LSAMP: variants seen among roughly 807,000 people sequenced by gnomAD.
The protein encoded by LSAMP is limbic system-associated membrane protein.
LSAMP carries 7 observed loss-of-function variants against 38.6 expected under a neutral mutation model. The ratio of observed to expected loss-of-function variants is 0.18; its 90% confidence interval spans 0.10 to 0.34. The LOEUF (loss-of-function observed/expected upper bound fraction) is 0.34, where lower values mean the gene tolerates loss of function less well. LSAMP is among the 10% of genes least tolerant of loss of function. The pLI is 1.00. For missense variants in LSAMP, 313 were observed against 420.0 expected (o/e 0.75, Z 2.23); for synonymous variants, 154 against 166.8 (o/e 0.92, Z 0.59).
intron 1 of LSAMP, among the ~76,000 whole-genome samples, chr3:116,403,739 A>T (rs1266736823): frequency 2.0e-5 from 3 of 151,092 alleles, no homozygotes; most frequent in Non-Finnish European, 4.4e-5. Flanking sequence ...TAGATTTGGC[A>T]TAGAATCTTT....
chr3:116,252,569 G>A (rs1323069234), intron 1 of LSAMP, among the ~76,000 whole-genome samples: 1 of 152,094 alleles, frequency 6.6e-6, no homozygotes, highest in African/African-American at 2.4e-5. Flanking sequence ...ATGATGGGTG[G>A]TTCATTTGGA....
intron 2 of LSAMP, among the ~76,000 whole-genome samples, chr3:116,030,481 C>T (rs971599752): frequency 3.7e-4 from 56 of 152,238 alleles, no homozygotes; most frequent in African/African-American, 1.2e-3. Context: ...TTTGTTTTTG[C>T]TAATTTGGGA....
chr3:116,209,863 T>C (rs2046131126), intron 1 of LSAMP, among the ~76,000 whole-genome samples: 1 of 152,198 alleles, frequency 6.6e-6, no homozygotes, highest in African/African-American at 2.4e-5. Flanking sequence ...GCCGTTCTCC[T>C]GCCTTAGCCT....
chr3:116,088,797 T>A (rs186365772), intron 1 of LSAMP, among the ~76,000 whole-genome samples: 1 of 152,174 alleles, frequency 6.6e-6, no homozygotes, highest in Non-Finnish European at 1.5e-5. Context: ...TAATATAGCT[T>A]ACCTAAATAT....
chr3:115,854,276 A>ATTTTTTTTTTTTTTTT (rs1272758193), intron 3 of LSAMP, among the ~76,000 whole-genome samples: 1 of 119,604 alleles, frequency 8.4e-6, no homozygotes, highest in African/African-American at 3.3e-5. Flanking sequence ...TATTATTATT[A>ATTTTTTTTTTTTTTTT]TTATTATTTT....
chr3:116,391,980 C>A (rs769765906), intron 1 of LSAMP, among the ~76,000 whole-genome samples: 1 of 152,178 alleles, frequency 6.6e-6, no homozygotes, highest in Non-Finnish European at 1.5e-5. Context: ...TCAATCCACT[C>A]CCAAAGGCAC....
At chr3:116,427,500 A>G (rs946783347) in intron 1 of LSAMP, among the ~76,000 whole-genome samples, 2 of 152,196 alleles carry the variant, frequency 1.3e-5, no homozygotes, top group African/African-American at 2.4e-5. Flanking sequence ...CAGAGCTACA[A>G]TTAGAAACAA....
At chr3:116,368,709 G>A (rs2048390437) in intron 1 of LSAMP, among the ~76,000 whole-genome samples, 1 of 152,134 alleles carries the variant, frequency 6.6e-6, no homozygotes, top group African/African-American at 2.4e-5. Flanking sequence ...TCTGTTTGAT[G>A]GGATTCACCA....
At chr3:116,219,077 C>T (rs529898096) in intron 1 of LSAMP, among the ~76,000 whole-genome samples, 1 of 152,308 alleles carries the variant, frequency 6.6e-6, no homozygotes, top group East Asian at 1.9e-4. Flanking sequence ...TCTTGCTTAA[C>T]TGACACTTTA....
In LSAMP at chr3:116,359,420, C is replaced by T. The variant is rs544343343; in HGVS notation, c.155+85457G>A. ...AGTATGGAATCATATCCAGACCAAC[C>T]ATAGACATCTTGGTAAAACCGACTG... On this transcript the variant is annotated intron_variant, in intron 1 of 6. Transcript: ENST00000490035. Among the ~76,000 whole-genome samples the T allele has an allele frequency of 1.6e-4, 25 of 152,326 alleles. 1 individual carries two copies. In the South Asian group the frequency reaches 5.2e-3, roughly 32 times the overall value.
rs1576284601 is a variant in LSAMP, at chr3:115,986,046, A to C, written c.514+33469T>G. Among the ~76,000 whole-genome samples, 4 of 152,280 alleles carry C rather than the reference A, an allele frequency of 2.6e-5. No homozygotes were observed. The South Asian group carries it at 8.3e-4, about 32-fold the overall frequency. ...CAAAGGAGAGAATTGCCAAGTTTGCAAGTAGAAAAAAAAGAAGAGTCCAAA... is the reference window on the plus strand; with the variant it reads ...CAAAGGAGAGAATTGCCAAGTTTGCCAGTAGAAAAAAAAGAAGAGTCCAAA... On this transcript the variant is annotated intron_variant, in intron 3 of 6. Coordinates refer to ENST00000490035, the MANE Select transcript of LSAMP (RefSeq NM_002338.5).
At chr3:115,977,075 A>T (rs1939210836) in intron 3 of LSAMP, among the ~76,000 whole-genome samples, 1 of 152,190 alleles carries the variant, frequency 6.6e-6, no homozygotes, top group Non-Finnish European at 1.5e-5. Flanking sequence ...ATTTCATATT[A>T]TATGAAATAT....
At chr3:116,385,726 G>C (rs2048617962) in intron 1 of LSAMP, among the ~76,000 whole-genome samples, 2 of 152,020 alleles carry the variant, frequency 1.3e-5, no homozygotes, top group South Asian at 2.1e-4. Context: ...ATATCTATCT[G>C]TCTAGTTACC....
chr3:116,282,630 T>C (rs1359261986), intron 1 of LSAMP, among the ~76,000 whole-genome samples: 1 of 152,120 alleles, frequency 6.6e-6, no homozygotes, highest in East Asian at 1.9e-4. Context: ...ATTTTAACTA[T>C]AAGCAGACAA....
chr3:116,366,013 TAAAAAAAAAAAAAAA>T (rs67452614), intron 1 of LSAMP, among the ~76,000 whole-genome samples: 1 of 28,686 alleles, frequency 3.5e-5, no homozygotes, highest in Non-Finnish European at 6.1e-5. Context: ...TAGAGTATAA[TAAAAAAAAAAAAAAA>T]AAAAAAAAAA....
chr3:115,965,265 GA>G (rs1559900004), intron 3 of LSAMP, among the ~76,000 whole-genome samples: 1 of 151,988 alleles, frequency 6.6e-6, no homozygotes, highest in Non-Finnish European at 1.5e-5. Context: ...TGGCATTTCA[GA>G]TAAGTGGTAA....
At chr3:116,006,275 G>A (rs187418599) in intron 3 of LSAMP, among the ~76,000 whole-genome samples, 12 of 152,158 alleles carry the variant, frequency 7.9e-5, no homozygotes, top group Admixed American at 2.0e-4. Context: ...CCACACACAC[G>A]CAGAAGTCAT....
intron 2 of LSAMP, among the ~76,000 whole-genome samples, chr3:116,049,795 A>T (rs910144263): frequency 6.6e-6 from 1 of 152,328 alleles, no homozygotes; most frequent in African/African-American, 2.4e-5. Flanking sequence ...TGAACATTTT[A>T]ATCAACATCA....
chr3:116,133,256 T>G lies in LSAMP; in HGVS notation c.156-46700A>C, dbSNP rs562140724. ...TCCACATTTACTTTTTTTTCCTTTTTTTTTTGTTGTTGTTGTTTTGTTTGT... is the reference window on the plus strand; with the variant it reads ...TCCACATTTACTTTTTTTTCCTTTTGTTTTTGTTGTTGTTGTTTTGTTTGT... On this transcript the variant is annotated intron_variant, in intron 1 of 6. Transcript: ENST00000490035. 6.6e-4 allele frequency among the ~76,000 whole-genome samples: 101 copies of G among 152,092 alleles called. 1 individual carries two copies. Among genetic ancestry groups the G allele is most frequent in the Middle Eastern group, 6.8e-3 (2 of 294 alleles).
Sources: gnomAD v4.1 joint callset for allele counts (sites outside exome capture counted in the v4.1 genomes callset) on GRCh38, gnomAD v4.1.1 for gene constraint, MANE v1.5 for transcripts, NCBI Gene and HGNC (gene_info 2026-07-23, HGNC 2026-07-21) for gene names.